LUC7L2: variants seen among roughly 807,000 people sequenced by gnomAD.
The protein encoded by LUC7L2 is LUC7 like 2, pre-mRNA splicing factor.
In LUC7L2, 25 loss-of-function variants were observed where a neutral mutation model predicts 52.8. The observed-to-expected ratio is 0.47, with a 90% CI of 0.34 to 0.66. LUC7L2 has a LOEUF of 0.66. Ranked by LOEUF, LUC7L2 falls within the 30% of genes least tolerant of loss-of-function variation. LUC7L2 has a pLI of 0.01. For missense variants in LUC7L2, 328 were observed against 497.8 expected, an observed-to-expected ratio of 0.66 and a Z score of 3.25; for synonymous variants, 144 against 160.9, an observed-to-expected ratio of 0.89 and a Z score of 0.80.
chr7:139,382,172 G>A (rs1353185149), intron 2 of LUC7L2, among the ~76,000 whole-genome samples: 1 of 151,832 alleles, frequency 6.6e-6, no homozygotes, highest in African/African-American at 2.4e-5. Flanking sequence ...TTACAGGTGT[G>A]AGCCACTGCC....
At chr7:139,364,765 C>T (rs953496023) in intron 1 of LUC7L2, among the ~76,000 whole-genome samples, 11 of 152,162 alleles carry the variant, frequency 7.2e-5, no homozygotes, top group African/African-American at 2.4e-4. Context: ...TGAAGTAGTG[C>T]GTTCTTTAAT....
Position 139,407,052 on chromosome 7 carries a change from G to A in LUC7L2, c.511-122G>A, listed in dbSNP as rs568847063. 63 of 563,606 alleles carry A rather than the reference G, an allele frequency of 1.1e-4. No individual in the cohort carries two copies. In the South Asian group the frequency reaches 3.1e-3, roughly 28 times the overall value. The allele number at this position is 563,606 out of a possible 1,614,324, so 34.9% of individuals were successfully genotyped here. A position where few individuals can be genotyped will look rare whatever the true frequency, so the allele number is the denominator to read the frequency against. ...TGGAGTCTCGCCCCAGTGAGCCACC[G>A]TGCCCAGCCACTTTTGTGTATTTTT... On this transcript the variant is annotated intron_variant, in intron 5 of 9. Transcript: ENST00000354926.
At chr7:139,347,633 A>G (rs1799312069) in intron 1 of LUC7L2, among the ~76,000 whole-genome samples, 1 of 152,166 alleles carries the variant, frequency 6.6e-6, no homozygotes, top group Admixed American at 6.5e-5. Flanking sequence ...CTAAGAGGTT[A>G]ACATTAAAAT....
chr7:139,358,656 C>A (rs777292416), upstream of LUC7L2, among the ~76,000 whole-genome samples: 2 of 152,128 alleles, frequency 1.3e-5, no homozygotes, highest in African/African-American at 4.8e-5. Flanking sequence ...TTTTAAGCAA[C>A]CTTTCTTCCT....
At chr7:139,414,138 C>A (rs181872511) in intron 8 of LUC7L2, among the ~76,000 whole-genome samples, 25 of 152,324 alleles carry the variant, frequency 1.6e-4, no homozygotes, top group African/African-American at 4.8e-4. Flanking sequence ...TGCCCACCCC[C>A]CTTCTTCACC....
At chr7:139,359,702 A>T (rs1042890090), upstream of LUC7L2, 2 of 397,996 alleles carry the variant, frequency 5.0e-6, no homozygotes, top group African/African-American at 2.1e-5. Context: ...CTCGGGGCGG[A>T]TCCGGCTTGC....
intron 1 of LUC7L2, among the ~76,000 whole-genome samples, chr7:139,360,703 C>G (rs891555611): frequency 1.4e-4 from 22 of 152,152 alleles, no homozygotes; most frequent in African/African-American, 4.8e-4. Flanking sequence ...ATTCCTTAAC[C>G]CAGAGCTTTG....
chr7:139,385,260 C>T lies in LUC7L2; in HGVS notation c.156+9104C>T, dbSNP rs970453215. ...ATAATCACATATATTCCCCCTGCAG[C>T]TTTTTTTTGAAGGACATCTTCAAAA... On this transcript the variant is annotated intron_variant, in intron 2 of 9. Transcript: ENST00000354926. 3.5e-5 allele frequency among the ~76,000 whole-genome samples: 5 copies of T among 144,214 alleles called. No homozygotes were observed. The East Asian group carries it at 1.0e-3, about 30-fold the overall frequency. 94.6% of individuals were successfully genotyped at this position (144,214 alleles called of 152,430 possible).
At chr7:139,418,309 T>C (rs1479354527) in intron 9 of LUC7L2, among the ~76,000 whole-genome samples, 2 of 152,184 alleles carry the variant, frequency 1.3e-5, no homozygotes, top group East Asian at 1.9e-4. Flanking sequence ...GTTTGAGGAC[T>C]TGAATATCTA....
chr7:139,342,126 T>A (rs1799010079), intron 1 of LUC7L2, among the ~76,000 whole-genome samples: 1 of 152,064 alleles, frequency 6.6e-6, no homozygotes, highest in Admixed American at 6.6e-5. Context: ...TTTTAAAAGG[T>A]GGCAACGTTA....
chr7:139,345,462 C>T (rs370455583), intron 1 of LUC7L2: 15 of 1,612,442 alleles, frequency 9.3e-6, no homozygotes, highest in Non-Finnish European at 1.3e-5. Flanking sequence ...ACCTGTATCT[C>T]TAGCTGGGTT....
intron 4 of LUC7L2, among the ~76,000 whole-genome samples, chr7:139,405,182 T>G (rs2355787): frequency 0.38 from 58,444 of 152,146 alleles, 15,654 homozygotes; most frequent in African/African-American, 0.76. Flanking sequence ...CCTTGAGTTG[T>G]ATCTTGTTGG....
Position 139,360,216 on chromosome 7 carries a change from C to T in LUC7L2, c.-46C>T, listed in dbSNP as rs758099606. The T allele has an allele frequency of 1.7e-5, 26 of 1,490,394 alleles. No homozygotes were observed. The highest frequency in any genetic ancestry group is 2.0e-5 in the Non-Finnish European group (22 of 1,097,732). 92.3% of individuals were successfully genotyped at this position (1,490,394 alleles called of 1,614,324 possible). On this transcript the variant is annotated 5_prime_UTR_variant, in exon 1 of 10. Coordinates refer to ENST00000354926, the MANE Select transcript of LUC7L2 (RefSeq NM_016019.5). The stretch of plus-strand genomic sequence containing the variant: ...CCCTTATCCCCCAGCCCAAAAGGGC[C>T]CGGTCTGCGCCCCACCCCCGCCCGT...
chr7:139,408,841 C>CAAA lies in LUC7L2; in HGVS notation c.688-707_688-705dup, dbSNP rs564827916. Among the ~76,000 whole-genome samples the CAAA allele has an allele frequency of 1.8e-3, 154 of 86,920 alleles. 2 individuals carry two copies. Among genetic ancestry groups the CAAA allele is most frequent in the Admixed American group, 3.5e-3 (27 of 7,718 alleles). 57.0% of individuals were successfully genotyped at this position (86,920 alleles called of 152,430 possible). Reference sequence around the variant, plus strand: ...TGGGCGACAGAGCGAGACTCTGTCTCAAAAAAAAAAAAAAAAAGTCATGGA... The same window carrying CAAA: ...TGGGCGACAGAGCGAGACTCTGTCTCAAAAAAAAAAAAAAAAAAAAGTCATGGA... On this transcript the variant is annotated intron_variant, in intron 6 of 9. Transcript: ENST00000354926.
intron 1 of LUC7L2, among the ~76,000 whole-genome samples, chr7:139,341,717 G>GGT (rs1798982701): frequency 7.1e-6 from 1 of 140,606 alleles, no homozygotes; most frequent in African/African-American, 2.5e-5. Context: ...AAGGACCAGC[G>GGT]GGGGGGGGCG....
chr7:139,341,321 C>G, intron 1 of LUC7L2: 2 of 1,553,912 alleles, frequency 1.3e-6, no homozygotes, highest in Non-Finnish European at 1.7e-6. Context: ...GCGCCTGGGC[C>G]GGAGGAGGGG....
chr7:139,345,552 G>A, intron 1 of LUC7L2: 1 of 1,614,120 alleles, frequency 6.2e-7, no homozygotes, highest in Non-Finnish European at 8.5e-7. Context: ...TTTCCAAGCT[G>A]CCACCTATCT....
intron 3 of LUC7L2, among the ~76,000 whole-genome samples, chr7:139,399,526 G>A (rs1325788039): frequency 4.4e-5 from 6 of 136,422 alleles, no homozygotes; most frequent in African/African-American, 1.3e-4. Flanking sequence ...CTGGAGTGCA[G>A]TGGCCCAATC....
rs529185746 is a variant in LUC7L2 at position 139,409,313 on chromosome 7, CAAAA to C, written c.688-242_688-239del. Among the ~76,000 whole-genome samples, 1,052 of 119,644 alleles carry C rather than the reference CAAAA, an allele frequency of 8.8e-3. 18 individuals carry two copies. Among genetic ancestry groups the C allele is most frequent in the African/African-American group, 0.031 (1,002 of 32,806 alleles). 78.5% of individuals were successfully genotyped at this position (119,644 alleles called of 152,430 possible). A position where few individuals can be genotyped will look rare whatever the true frequency, so the allele number is the denominator to read the frequency against. On this transcript the variant is annotated intron_variant, in intron 6 of 9. Coordinates refer to ENST00000354926, the MANE Select transcript of LUC7L2 (RefSeq NM_016019.5). ...ATTTGTTTTCACTTAAAAAAAAAAA[CAAAA>C]AAAAAAACCAAGTAGAAATCATGGA...
Sources: allele counts gnomAD v4.1 joint callset (sites outside exome capture counted in the v4.1 genomes callset), GRCh38; gene constraint gnomAD v4.1.1; transcripts MANE v1.5; gene names NCBI Gene and HGNC (gene_info 2026-07-23, HGNC 2026-07-21).